The following UVRAG variants were observed in gnomAD, a reference collection of about 807,000 sequenced individuals.
The protein encoded by UVRAG is UV radiation resistance associated.
UVRAG carries 19 observed loss-of-function variants against 78.0 expected under a neutral mutation model. The ratio of observed to expected loss-of-function variants is 0.24; its 90% CI spans 0.17 to 0.36. The LOEUF is 0.36. UVRAG is among the 10% of genes least tolerant of loss of function. The probability of loss-of-function intolerance (pLI) is 1.00; values close to 1 mark genes in which losing one functional copy is unlikely to be tolerated. For synonymous variants in UVRAG, 323 were observed against 324.6 expected (o/e 1.00, Z 0.05); for missense variants, 740 against 853.8 (o/e 0.87, Z 1.66).
At chr11:76,009,215 A>G (rs1385620861) in intron 11 of UVRAG, among the ~76,000 whole-genome samples, 1 of 152,196 alleles carries the variant, frequency 6.6e-6, no homozygotes, top group African/African-American at 2.4e-5. Flanking sequence ...AACAGCAAAC[A>G]AAATCTGTTC....
chr11:75,838,017 A>G (rs892986289), intron 1 of UVRAG, among the ~76,000 whole-genome samples: 1 of 152,112 alleles, frequency 6.6e-6, no homozygotes, highest in East Asian at 1.9e-4. Flanking sequence ...CCTTGTCTCT[A>G]CATACCACCA....
At chr11:75,945,784 G>T (rs1216497607) in intron 6 of UVRAG, among the ~76,000 whole-genome samples, 1 of 151,916 alleles carries the variant, frequency 6.6e-6, no homozygotes, top group African/African-American at 2.4e-5. Flanking sequence ...AAATGTTAGG[G>T]TACCTTTTTT....
chr11:76,093,005 T>C (rs1317175853), intron 13 of UVRAG, among the ~76,000 whole-genome samples: 8 of 152,218 alleles, frequency 5.3e-5, no homozygotes, highest in Admixed American at 2.6e-4. Context: ...CTTGAATTAA[T>C]TTTTGTATAA....
intron 1 of UVRAG, among the ~76,000 whole-genome samples, 161 bp from the exon 2 acceptor site, chr11:75,851,722 G>A (rs1311265008): frequency 6.6e-6 from 1 of 152,156 alleles, no homozygotes; most frequent in Non-Finnish European, 1.5e-5. Flanking sequence ...GTTTGACAGA[G>A]GGGATGCTGA....
chr11:75,983,320 G>A, intron 7 of UVRAG, 67 bp from the exon 8 acceptor site: 1 of 1,352,166 alleles, frequency 7.4e-7, no homozygotes, highest in Non-Finnish European at 1.0e-6. Flanking sequence ...TAAACATTGT[G>A]AGTATGTAAT....
intron 14 of UVRAG, among the ~76,000 whole-genome samples, chr11:76,135,625 A>G (rs1952586499): frequency 6.6e-6 from 1 of 152,216 alleles, no homozygotes; most frequent in Non-Finnish European, 1.5e-5. Context: ...TTGTTTTTTA[A>G]TAAATTCCTT....
rs144026384 is a variant in UVRAG, at chr11:75,889,192, G to A, written c.507+289G>A. Among the ~76,000 whole-genome samples, 635 of 152,216 alleles carry A rather than the reference G, an allele frequency of 4.2e-3. 4 individuals are homozygous for A. Among genetic ancestry groups the A allele is most frequent in the African/African-American group, 0.015 (611 of 41,530 alleles). On this transcript the variant is annotated intron_variant, in intron 5 of 14. Coordinates refer to ENST00000356136, the MANE Select transcript of UVRAG (RefSeq NM_003369.4). ...AACTCTTTGGGGGTTAAGAAAGGAT[G>A]GTGAATTTTGATTAAATGCAATACA...
chr11:76,137,914 A>C (rs895856764), intron 14 of UVRAG, among the ~76,000 whole-genome samples: 3 of 151,774 alleles, frequency 2.0e-5, no homozygotes, highest in Non-Finnish European at 4.4e-5. Flanking sequence ...CTCTAAAAAA[A>C]TTTTTTTTTA....
chr11:75,951,169 C>T (rs769289858), intron 6 of UVRAG, among the ~76,000 whole-genome samples: 6 of 152,068 alleles, frequency 3.9e-5, no homozygotes, highest in Admixed American at 2.6e-4. Flanking sequence ...CCTAATCCAT[C>T]TCAAATTAAT....
At chr11:75,940,349 C>CT (rs1948460663) in intron 6 of UVRAG, among the ~76,000 whole-genome samples, 1 of 152,094 alleles carries the variant, frequency 6.6e-6, no homozygotes, top group Admixed American at 6.5e-5. Context: ...CCTTAATTGA[C>CT]TTAAGAGTCA....
chr11:75,842,716 C>T (rs575878365), intron 1 of UVRAG, among the ~76,000 whole-genome samples: 70 of 152,198 alleles, frequency 4.6e-4, no homozygotes, highest in Middle Eastern at 3.4e-3. Flanking sequence ...CCGGGATTAC[C>T]GGCATGAGCC....
chr11:75,877,050 C>T (rs1946800291), intron 3 of UVRAG, among the ~76,000 whole-genome samples: 1 of 150,084 alleles, frequency 6.7e-6, no homozygotes, highest in African/African-American at 2.5e-5. Context: ...GGTGATGACT[C>T]TTAACGAGCA....
chr11:76,004,179 T>G, intron 9 of UVRAG, 90 bp downstream of exon 9: 1 of 1,292,756 alleles, frequency 7.7e-7, no homozygotes, highest in South Asian at 1.2e-5. Context: ...GCTGCTGGTA[T>G]TAATTTATAG....
intron 13 of UVRAG, among the ~76,000 whole-genome samples, chr11:76,111,953 A>G (rs1952076475): frequency 6.6e-6 from 1 of 151,438 alleles, no homozygotes; most frequent in Non-Finnish European, 1.5e-5. Context: ...TCCAGAGGGT[A>G]AAGTGAAAAA....
chr11:75,884,495 A>G (rs1276446338), intron 4 of UVRAG, among the ~76,000 whole-genome samples: 1 of 152,084 alleles, frequency 6.6e-6, no homozygotes, highest in Non-Finnish European at 1.5e-5. Flanking sequence ...CCAAGGTCAC[A>G]AAGACTTTTT....
chr11:75,897,044 T>G (rs1345181408), intron 5 of UVRAG, among the ~76,000 whole-genome samples: 2 of 152,188 alleles, frequency 1.3e-5, no homozygotes, highest in Non-Finnish European at 2.9e-5. Flanking sequence ...CTTTCTCACT[T>G]TAATGGAAAA....
At chr11:75,983,563 T>C (rs1248084903) in intron 8 of UVRAG, 50 bp downstream of exon 8, 1 of 1,496,390 alleles carries the variant, frequency 6.7e-7, no homozygotes, top group South Asian at 1.4e-5. Context: ...TCAGTAGTTC[T>C]CCTTTCTTCT....
At chr11:75,838,301 AAT>A (rs2135835641) in intron 1 of UVRAG, among the ~76,000 whole-genome samples, 2 of 152,208 alleles carry the variant, frequency 1.3e-5, no homozygotes, top group South Asian at 4.1e-4. Flanking sequence ...TGAATCAAAG[AAT>A]ATGTGCATTT....
chr11:75,986,372 A>C (rs1949501389), intron 8 of UVRAG, among the ~76,000 whole-genome samples: 1 of 152,116 alleles, frequency 6.6e-6, no homozygotes, highest in Admixed American at 6.5e-5. Context: ...ACAATTAATT[A>C]GTTTTTTTTA....
Sources: gnomAD v4.1 joint callset for allele counts (sites outside exome capture counted in the v4.1 genomes callset) on GRCh38, gnomAD v4.1.1 for gene constraint, MANE v1.5 for transcripts, NCBI Gene and HGNC (gene_info 2026-07-23, HGNC 2026-07-21) for gene names.